The following ANO3 variants were observed in gnomAD, a reference collection of about 807,000 sequenced individuals.
ANO3 encodes anoctamin 3.
ANO3 carries 99 observed loss-of-function variants against 144.8 expected under a neutral mutation model. That is an observed-to-expected ratio of 0.68 (90% CI 0.58 to 0.81). ANO3 has a LOEUF of 0.81. ANO3 is among the 30% of genes least tolerant of loss of function. ANO3 has a pLI of 0.00. For missense variants in ANO3, 905 were observed against 1,202.2 expected, an observed-to-expected ratio of 0.75 and a Z score of 3.66; for synonymous variants, 414 against 392.6, an observed-to-expected ratio of 1.05 and a Z score of -0.64.
intron 12 of ANO3, among the ~76,000 whole-genome samples, chr11:26,548,965 A>C (rs548399131): frequency 2.8e-5 from 4 of 143,452 alleles, no homozygotes; most frequent in East Asian, 4.1e-4. Context: ...AAAAAAAAAA[A>C]CACTTTTAAG....
At chr11:26,265,744 A>G (rs570156376) in intron 1 of ANO3, among the ~76,000 whole-genome samples, 69 of 152,304 alleles carry the variant, frequency 4.5e-4, no homozygotes, top group African/African-American at 1.6e-3. Flanking sequence ...GCTAGGTAGT[A>G]GTCAAATAAC....
intron 1 of ANO3, among the ~76,000 whole-genome samples, chr11:26,238,495 T>C (rs1268478805): frequency 6.6e-6 from 1 of 152,136 alleles, no homozygotes; most frequent in Non-Finnish European, 1.5e-5. Flanking sequence ...CCAAAATATT[T>C]ACAGTTGCAA....
At chr11:26,473,626 C>T (rs1859858568) in intron 4 of ANO3, among the ~76,000 whole-genome samples, 1 of 146,948 alleles carries the variant, frequency 6.8e-6, no homozygotes. Flanking sequence ...TTAGTATTTT[C>T]CAGACCACTA....
At chr11:26,248,981 C>T (rs1007563628) in intron 1 of ANO3, among the ~76,000 whole-genome samples, 1 of 152,166 alleles carries the variant, frequency 6.6e-6, no homozygotes, top group Non-Finnish European at 1.5e-5. Flanking sequence ...CTGAAACCAT[C>T]CCCTGCCTCT....
At chr11:26,274,179 A>G (rs1853508846) in intron 1 of ANO3, among the ~76,000 whole-genome samples, 1 of 152,190 alleles carries the variant, frequency 6.6e-6, no homozygotes, top group Non-Finnish European at 1.5e-5. Flanking sequence ...TGTAAGGAGG[A>G]TAAGTGAATA....
chr11:26,195,723 T>G (rs942374791), intron 1 of ANO3, among the ~76,000 whole-genome samples: 2 of 152,200 alleles, frequency 1.3e-5, no homozygotes, highest in African/African-American at 4.8e-5. Flanking sequence ...GTTATACCCT[T>G]ATGTGTCTTC....
intron 18 of ANO3, among the ~76,000 whole-genome samples, chr11:26,630,922 A>G (rs1450393629): frequency 6.6e-6 from 1 of 152,044 alleles, no homozygotes. Context: ...TCATAGAATC[A>G]ACCCATATGA....
At chr11:26,395,457 C>G (rs1185398372) in intron 1 of ANO3, among the ~76,000 whole-genome samples, 2 of 152,096 alleles carry the variant, frequency 1.3e-5, no homozygotes, top group African/African-American at 2.4e-5. Flanking sequence ...TTTCCTTGAG[C>G]AGTGGTTTGT....
At chr11:26,397,081 T>G (rs955611114) in intron 1 of ANO3, among the ~76,000 whole-genome samples, 1 of 151,992 alleles carries the variant, frequency 6.6e-6, no homozygotes, top group African/African-American at 2.4e-5. Flanking sequence ...TTTCTTATTC[T>G]CCTCAGTTCA....
At chr11:26,650,205 A>G (rs1853484087) in intron 24 of ANO3, among the ~76,000 whole-genome samples, 1 of 150,952 alleles carries the variant, frequency 6.6e-6, no homozygotes, top group Admixed American at 6.6e-5. Flanking sequence ...AGATTCATTC[A>G]GATTGGAAAT....
chr11:26,449,132 G>A (rs12280286), intron 3 of ANO3, among the ~76,000 whole-genome samples: 8,713 of 152,026 alleles, frequency 0.057, 408 homozygotes, highest in African/African-American at 0.13. Context: ...CTTTTCTCAC[G>A]AGCTGCAGAC....
intron 1 of ANO3, among the ~76,000 whole-genome samples, chr11:26,215,007 CAGAAAT>C (rs979885491): frequency 5.9e-5 from 9 of 152,004 alleles, no homozygotes; most frequent in Non-Finnish European, 1.3e-4. Flanking sequence ...GGAAAGACCA[CAGAAAT>C]AAAGTGTCAT....
At chr11:26,633,278 G>T (rs998914887) in intron 18 of ANO3, among the ~76,000 whole-genome samples, 4 of 152,106 alleles carry the variant, frequency 2.6e-5, no homozygotes, top group Non-Finnish European at 5.9e-5. Context: ...AAAACCATAA[G>T]ATGTTAGAGT....
At chr11:26,343,744 G>A (rs545159209) in intron 1 of ANO3, among the ~76,000 whole-genome samples, 113 of 152,114 alleles carry the variant, frequency 7.4e-4, no homozygotes, top group Non-Finnish European at 1.5e-3. Flanking sequence ...TTCTGTATAC[G>A]AGTGTATGAC....
chr11:26,318,196 G>A (rs528828398), intron 1 of ANO3, among the ~76,000 whole-genome samples: 17 of 152,188 alleles, frequency 1.1e-4, no homozygotes, highest in Admixed American at 7.9e-4. Context: ...ACCGCAGCAC[G>A]TGTATAACTA....
intron 1 of ANO3, among the ~76,000 whole-genome samples, chr11:26,275,546 C>A (rs2133839860): frequency 6.6e-6 from 1 of 152,204 alleles, no homozygotes; most frequent in African/African-American, 2.4e-5. Context: ...ATGGATATTT[C>A]CCCCAAATGG....
chr11:26,567,727 G>A (rs181254528), intron 14 of ANO3, among the ~76,000 whole-genome samples: 12 of 152,024 alleles, frequency 7.9e-5, no homozygotes, highest in African/African-American at 2.4e-4. Flanking sequence ...GCAGACATAT[G>A]AGAACATTCA....
intron 1 of ANO3, among the ~76,000 whole-genome samples, chr11:26,407,068 G>GTATATATATATATATATATA (rs760132418): frequency 6.2e-4 from 60 of 96,420 alleles, no homozygotes; most frequent in Non-Finnish European, 1.0e-3. Context: ...GTGTGTGTGT[G>GTATATATATATATATATATA]TGTGTGTGTA....
rs934030755 is a variant in ANO3 at position 26,391,012 on chromosome 11, C to G, written c.47-50906C>G. Among the ~76,000 whole-genome samples, 4 of 152,088 alleles carry G rather than the reference C, an allele frequency of 2.6e-5. No homozygotes were observed. The East Asian group carries it at 7.7e-4, about 29-fold the overall frequency. On this transcript the variant is annotated intron_variant, in intron 1 of 26. Coordinates refer to ENST00000256737, the MANE Select transcript of ANO3 (RefSeq NM_031418.4). ...TCATATTAGGATAGCCACTTAAGAG[C>G]AAGAAATGTCCTTTTTCTCTTCCAC...
Sources: gnomAD v4.1 joint callset for allele counts (sites outside exome capture counted in the v4.1 genomes callset) on GRCh38, gnomAD v4.1.1 for gene constraint, MANE v1.5 for transcripts, NCBI Gene and HGNC (gene_info 2026-07-23, HGNC 2026-07-21) for gene names.